The following TLK1 variants were observed in gnomAD, a reference collection of about 807,000 sequenced individuals.
TLK1 encodes serine/threonine-protein kinase tousled-like 1.
In TLK1, 24 loss-of-function variants were observed where a neutral mutation model predicts 105.3. The ratio of observed to expected loss-of-function variants is 0.23; its 90% CI spans 0.17 to 0.32. The LOEUF (loss-of-function observed/expected upper bound fraction) is 0.32. TLK1 is among the 10% of genes least tolerant of loss of function. The probability of loss-of-function intolerance (pLI) is 1.00; values close to 1 mark genes in which losing one functional copy is unlikely to be tolerated. For synonymous variants in TLK1, 321 were observed against 310.4 expected (o/e 1.03, Z -0.36); for missense variants, 558 against 910.5 (o/e 0.61, Z 4.98).
chr2:171,214,977 G>C (rs1192273344), intron 1 of TLK1, among the ~76,000 whole-genome samples: 3 of 151,326 alleles, frequency 2.0e-5, no homozygotes. Flanking sequence ...GCCTTGCTCT[G>C]TCTCCCAGGC....
intron 1 of TLK1, among the ~76,000 whole-genome samples, chr2:171,215,469 T>A (rs1259684637): frequency 1.3e-5 from 2 of 152,140 alleles, no homozygotes; most frequent in African/African-American, 2.4e-5. Flanking sequence ...TGGAGTTAGG[T>A]CACACTAGGC....
At chr2:171,177,325 A>G (rs977025566) in intron 1 of TLK1, among the ~76,000 whole-genome samples, 1 of 147,370 alleles carries the variant, frequency 6.8e-6, no homozygotes, top group Non-Finnish European at 1.5e-5. Context: ...AATTTTTTGT[A>G]GAGATGGTTT....
At chr2:171,134,632 T>C (rs1169133831) in intron 1 of TLK1, among the ~76,000 whole-genome samples, 1 of 141,278 alleles carries the variant, frequency 7.1e-6, no homozygotes, top group African/African-American at 2.7e-5. Context: ...CTATTCACAA[T>C]AGCCAAGATA....
At chr2:171,013,798 A>G (rs1489140393) in intron 13 of TLK1, among the ~76,000 whole-genome samples, 3 of 152,212 alleles carry the variant, frequency 2.0e-5, no homozygotes, top group Non-Finnish European at 4.4e-5. Context: ...TAACTCATGA[A>G]GCTTTAAACT....
intron 3 of TLK1, among the ~76,000 whole-genome samples, chr2:171,065,560 C>T (rs1008423658): frequency 3.4e-5 from 5 of 147,312 alleles, no homozygotes; most frequent in African/African-American, 5.1e-5. Flanking sequence ...TTTTTTGAGA[C>T]GGAGTCTCGC....
Position 171,081,786 on chromosome 2 carries a change from C to T in TLK1, c.330+995G>A, listed in dbSNP as rs1049803894. The stretch of plus-strand genomic sequence containing the variant: ...GTGTCAGGGTGCCTGCACAGAACTG[C>T]ACGAAACTGTCTACCTAGAGATTTC... On this transcript the variant is annotated intron_variant, in intron 3 of 20. Coordinates refer to ENST00000431350, the MANE Select transcript of TLK1 (RefSeq NM_012290.5). 1.1e-5 allele frequency: 11 copies of T among 998,704 alleles called. No homozygotes were observed. In the African/African-American group the frequency reaches 1.9e-4, roughly 17 times the overall value. 61.9% of individuals were successfully genotyped at this position (998,704 alleles called of 1,614,324 possible).
In TLK1 at chr2:171,128,357, ATCTC is replaced by A. The variant is rs142906871; in HGVS notation, c.140-10504_140-10501del. 2.1e-3 allele frequency among the ~76,000 whole-genome samples: 318 copies of A among 152,296 alleles called. 3 individuals carry two copies. Among genetic ancestry groups the A allele is most frequent in the African/African-American group, 6.7e-3 (278 of 41,582 alleles). Reference sequence around the variant, plus strand: ...GTGTAAAGTTTGGTCAAGTTCTTTAATCTCTCTCTATTTTAGCTTCCTTATATAG... The same window carrying A: ...GTGTAAAGTTTGGTCAAGTTCTTTAATCTCTATTTTAGCTTCCTTATATAG... On this transcript the variant is annotated intron_variant, in intron 1 of 20. Coordinates refer to ENST00000431350, the MANE Select transcript of TLK1 (RefSeq NM_012290.5).
intron 2 of TLK1, among the ~76,000 whole-genome samples, chr2:171,099,901 A>T (rs1348763000): frequency 6.6e-6 from 1 of 152,226 alleles, no homozygotes; most frequent in Non-Finnish European, 1.5e-5. Context: ...TATAATTATA[A>T]ACTCCCTAGA....
intron 3 of TLK1, among the ~76,000 whole-genome samples, chr2:171,070,376 CTAAG>C (rs967897100): frequency 2.0e-5 from 3 of 151,970 alleles, no homozygotes; most frequent in Admixed American, 1.3e-4. Context: ...CTAGGTCTTA[CTAAG>C]TCTTTCTATT....
intron 1 of TLK1, among the ~76,000 whole-genome samples, chr2:171,184,834 G>GTTGT (rs761697029): frequency 2.2e-4 from 32 of 143,894 alleles, no homozygotes; most frequent in Admixed American, 5.5e-4. Flanking sequence ...TATAATTATG[G>GTTGT]TTGTTTGTTT....
At chr2:171,117,896 G>A (rs1254095794) in intron 1 of TLK1, 39 bp from the exon 2 acceptor site, 3 of 1,337,512 alleles carry the variant, frequency 2.2e-6, no homozygotes, top group African/African-American at 1.5e-5. Flanking sequence ...ACATATATAT[G>A]TGTGTATACT....
Position 171,208,549 on chromosome 2 carries a change from C to T in TLK1, c.-6+22596G>A, listed in dbSNP as rs185758649. Among the ~76,000 whole-genome samples the T allele has an allele frequency of 1.3e-4, 20 of 152,190 alleles. 1 individual carries two copies. Among genetic ancestry groups the T allele is most frequent in the Admixed American group, 5.2e-4 (8 of 15,290 alleles). ...CTCAAAATAGTACAGATCAAAAGCCCTAAAAATGCATGTACTCCCAGAACA... is the reference window on the plus strand; with the variant it reads ...CTCAAAATAGTACAGATCAAAAGCCTTAAAAATGCATGTACTCCCAGAACA... On this transcript the variant is annotated intron_variant, in intron 1 of 20. Coordinates refer to the TLK1 transcript ENST00000521943.
At chr2:171,220,866 C>T (rs370950978) in intron 1 of TLK1, among the ~76,000 whole-genome samples, 4 of 152,114 alleles carry the variant, frequency 2.6e-5, no homozygotes, top group African/African-American at 7.2e-5. Context: ...CTCATCCTAC[C>T]CACATATTTA....
Position 171,160,215 on chromosome 2 carries a change from GGCGGGGGGGGGGC to G in TLK1, c.139+62_139+74del, listed in dbSNP as rs1197302429. ...GGCGGAGAAGCCCCGGGGCGGGGGG[GGCGGGGGGGGGGC>G]GCGGGGGTCCGCGGCGCGGGAGAGG... On this transcript the variant is annotated intron_variant, in intron 1 of 20. Coordinates refer to ENST00000431350, the MANE Select transcript of TLK1 (RefSeq NM_012290.5). The surrounding 1 kb of genome is among the most constrained non-coding windows in gnomAD (Gnocchi z 4.4). 8 of 1,260,472 alleles carry G rather than the reference GGCGGGGGGGGGGC, an allele frequency of 6.3e-6. No individual in the cohort carries two copies. Among genetic ancestry groups the G allele is most frequent in the Admixed American group, 4.4e-5 (1 of 22,840 alleles). The allele number at this position is 1,260,472 out of a possible 1,614,324, so 78.1% of individuals were successfully genotyped here.
chr2:171,035,359 T>C (rs527412033), intron 11 of TLK1, among the ~76,000 whole-genome samples: 3 of 148,246 alleles, frequency 2.0e-5, no homozygotes, highest in South Asian at 2.1e-4. Context: ...AAAAAGGGGG[T>C]TGGGGGAGTT....
At chr2:171,092,550 A>C (rs1026125913) in intron 2 of TLK1, among the ~76,000 whole-genome samples, 1 of 152,180 alleles carries the variant, frequency 6.6e-6, no homozygotes, top group African/African-American at 2.4e-5. Flanking sequence ...CAAAATATCT[A>C]TTTACTGTGC....
intron 1 of TLK1, among the ~76,000 whole-genome samples, chr2:171,190,222 AG>A (rs1468893253): frequency 3.3e-5 from 5 of 152,180 alleles, no homozygotes; most frequent in South Asian, 2.1e-4. Flanking sequence ...TCTGTTTAGG[AG>A]GTACACAGTC....
intron 10 of TLK1, 75 bp from the exon 11 acceptor site, chr2:171,046,437 A>T: frequency 1.4e-6 from 2 of 1,430,340 alleles, no homozygotes; most frequent in Admixed American, 2.5e-5. Context: ...AAAAATGCAT[A>T]AAAAACATGA....
At chr2:171,061,219 A>T (rs1687733346) in intron 3 of TLK1, 63 bp from the exon 4 acceptor site, 1 of 1,552,362 alleles carries the variant, frequency 6.4e-7, no homozygotes, top group African/African-American at 1.4e-5. Context: ...TATCACAGTC[A>T]ACATAAAACC....
Sources: allele counts gnomAD v4.1 joint callset (sites outside exome capture counted in the v4.1 genomes callset), GRCh38; gene constraint gnomAD v4.1.1; non-coding constraint Gnocchi (gnomAD v3.1); transcripts MANE v1.5; gene names NCBI Gene and HGNC (gene_info 2026-07-23, HGNC 2026-07-21).